RSU1: variants seen among roughly 807,000 people sequenced by gnomAD.
The protein encoded by RSU1 is rsu-1.
A neutral mutation model predicts 31.1 loss-of-function variants in RSU1; 26 were observed. That is an observed-to-expected ratio of 0.84 (90% CI 0.61 to 1.16). The LOEUF is 1.16. RSU1 is among the 50% of genes most tolerant of loss of function. The pLI is 0.00. For synonymous variants in RSU1, 164 were observed against 136.3 expected (o/e 1.20, Z -1.41); for missense variants, 320 against 339.1 (o/e 0.94, Z 0.44).
intron 8 of RSU1, among the ~76,000 whole-genome samples, chr10:16,621,203 T>C (rs1834063086): frequency 6.6e-6 from 1 of 152,178 alleles, no homozygotes; most frequent in African/African-American, 2.4e-5. Flanking sequence ...TGTGGGGGTG[T>C]GTTATTGGCA....
At chr10:16,724,938 C>G (rs557438413) in intron 7 of RSU1, among the ~76,000 whole-genome samples, 1 of 152,164 alleles carries the variant, frequency 6.6e-6, no homozygotes. Context: ...TGAATGGTTC[C>G]GTTCATGTAG....
At chr10:16,739,901 G>A (rs760601610) in intron 7 of RSU1, among the ~76,000 whole-genome samples, 77 of 152,192 alleles carry the variant, frequency 5.1e-4, no homozygotes, top group South Asian at 1.0e-3. Context: ...GTGAGCCACC[G>A]TGCCCGGCCA....
At chr10:16,699,348 A>T (rs1835741146) in intron 7 of RSU1, among the ~76,000 whole-genome samples, 1 of 152,230 alleles carries the variant, frequency 6.6e-6, no homozygotes, top group African/African-American at 2.4e-5. Flanking sequence ...TTGGGGATGA[A>T]GCAATTTCAG....
At chr10:16,695,543 G>C (rs564537191) in intron 7 of RSU1, among the ~76,000 whole-genome samples, 178 of 152,268 alleles carry the variant, frequency 1.2e-3, no homozygotes, top group African/African-American at 4.2e-3. Context: ...GGCCCAATCT[G>C]ATCAACACCA....
intron 8 of RSU1, among the ~76,000 whole-genome samples, chr10:16,671,763 C>G (rs1193917886): frequency 6.6e-6 from 1 of 151,756 alleles, no homozygotes; most frequent in African/African-American, 2.4e-5. Context: ...GCAGCTGGGG[C>G]TACAGGCACA....
rs1554774678 is a variant in RSU1 at position 16,785,469 on chromosome 10, T to TACAC, written c.110-3389_110-3386dup. ...ATATATACATATATACATATATATA[T>TACAC]ACACATATATACATATATACATATA... On this transcript the variant is annotated intron_variant, in intron 2 of 8. Transcript: ENST00000345264. Among the ~76,000 whole-genome samples the TACAC allele has an allele frequency of 2.3e-5, 3 of 130,686 alleles. No homozygotes were observed. In the East Asian group the frequency reaches 6.7e-4, roughly 29 times the overall value. The allele number at this position is 130,686 out of a possible 152,430, so 85.7% of individuals were successfully genotyped here.
chr10:16,723,174 T>C (rs1442725089), intron 7 of RSU1: 1 of 152,056 alleles, frequency 6.6e-6, no homozygotes, highest in Non-Finnish European at 1.5e-5. Flanking sequence ...ATTATTCTTA[T>C]GAGTGTTTTC....
chr10:16,699,668 C>A (rs1835748415), intron 7 of RSU1, among the ~76,000 whole-genome samples: 1 of 152,214 alleles, frequency 6.6e-6, no homozygotes, highest in South Asian at 2.1e-4. Context: ...GGATTAAGCA[C>A]TGTGACAAAG....
chr10:16,648,402 T>C (rs1356420111), intron 8 of RSU1, among the ~76,000 whole-genome samples: 1 of 152,238 alleles, frequency 6.6e-6, no homozygotes, highest in African/African-American at 2.4e-5. Flanking sequence ...ATTTCTCAAA[T>C]GCTAATGTGC....
At chr10:16,789,759 C>T (rs1052354787) in intron 2 of RSU1, among the ~76,000 whole-genome samples, 4 of 152,210 alleles carry the variant, frequency 2.6e-5, no homozygotes, top group African/African-American at 4.8e-5. Flanking sequence ...AATGCTCCTG[C>T]TAACCAGACA....
In RSU1 at chr10:16,773,111, G is replaced by A. The variant is rs191793007; in HGVS notation, c.161-8601C>T. On this transcript the variant is annotated intron_variant, in intron 3 of 8. Coordinates refer to ENST00000345264, the MANE Select transcript of RSU1 (RefSeq NM_012425.4). Reference sequence around the variant, plus strand: ...GCTACTCCGGAGGCTGAGGTGGGAAGATCACTTGAGCCTGGAGGTTAAGGC... The same window carrying A: ...GCTACTCCGGAGGCTGAGGTGGGAAAATCACTTGAGCCTGGAGGTTAAGGC... 8.8e-3 allele frequency among the ~76,000 whole-genome samples: 1,342 copies of A among 151,758 alleles called. 22 individuals carry two copies. Among genetic ancestry groups the A allele is most frequent in the African/African-American group, 0.031 (1,278 of 41,356 alleles).
chr10:16,797,028 T>C (rs1412574134), intron 2 of RSU1, among the ~76,000 whole-genome samples: 1 of 152,070 alleles, frequency 6.6e-6, no homozygotes, highest in African/African-American at 2.4e-5. Context: ...CCAGAAGACC[T>C]CTGTGAGAAT....
intron 8 of RSU1, among the ~76,000 whole-genome samples, chr10:16,659,911 G>A (rs951359886): frequency 6.6e-6 from 1 of 152,168 alleles, no homozygotes; most frequent in African/African-American, 2.4e-5. Flanking sequence ...GGATTCCAAT[G>A]TTCTAGCGTT....
intron 8 of RSU1, among the ~76,000 whole-genome samples, chr10:16,594,664 TATC>T (rs1833579214): frequency 1.4e-5 from 2 of 142,200 alleles, no homozygotes; most frequent in Non-Finnish European, 1.5e-5. Flanking sequence ...TATCATATAT[TATC>T]TATATCATAT....
chr10:16,636,824 G>A (rs757135962), intron 8 of RSU1, among the ~76,000 whole-genome samples: 10 of 152,008 alleles, frequency 6.6e-5, no homozygotes, highest in African/African-American at 1.2e-4. Context: ...TCTTTGATCC[G>A]CTATAACTGC....
chr10:16,814,584 G>A (rs1246283196), intron 2 of RSU1, among the ~76,000 whole-genome samples: 1 of 152,138 alleles, frequency 6.6e-6, no homozygotes, highest in Non-Finnish European at 1.5e-5. Context: ...CCCTGGTGGA[G>A]GCTTCGAAGA....
chr10:16,707,701 G>A (rs1024558332), intron 7 of RSU1, among the ~76,000 whole-genome samples: 1 of 151,438 alleles, frequency 6.6e-6, no homozygotes, highest in Non-Finnish European at 1.5e-5. Context: ...CCTTTGCTGT[G>A]CAAAAGCTTT....
At chr10:16,605,092 G>C (rs9971068) in intron 8 of RSU1, among the ~76,000 whole-genome samples, 38,055 of 151,928 alleles carry the variant, frequency 0.25, 6,346 homozygotes, top group African/African-American at 0.48. Flanking sequence ...TGTATTGCTG[G>C]ATGATGTTTA....
intron 7 of RSU1, among the ~76,000 whole-genome samples, chr10:16,720,360 G>C (rs896367401): frequency 6.6e-6 from 1 of 152,052 alleles, no homozygotes; most frequent in Non-Finnish European, 1.5e-5. Flanking sequence ...ATATTGAACA[G>C]AAATAAATTA....
Sources: gnomAD v4.1 joint callset for allele counts (sites outside exome capture counted in the v4.1 genomes callset) on GRCh38, gnomAD v4.1.1 for gene constraint, MANE v1.5 for transcripts, NCBI Gene and HGNC (gene_info 2026-07-23, HGNC 2026-07-21) for gene names.